Variants in WASF3 observed in about 807,000 individuals in gnomAD.
WASF3 encodes the protein actin-binding protein WASF3.
WASF3 carries 11 observed loss-of-function variants against 46.6 expected under a neutral mutation model. The observed-to-expected ratio is 0.24, with a 90% CI of 0.15 to 0.39. WASF3 has a LOEUF of 0.39. Among genes scored for constraint, WASF3 ranks in the 10% least tolerant of loss-of-function variants. The pLI is 1.00. For synonymous variants in WASF3, 242 were observed against 259.7 expected (o/e 0.93, Z 0.65); for missense variants, 576 against 669.8 (o/e 0.86, Z 1.55).
chr13:26,659,005 A>G (rs1037064431), intron 3 of WASF3, among the ~76,000 whole-genome samples: 8 of 152,258 alleles, frequency 5.3e-5, no homozygotes, highest in African/African-American at 1.9e-4. Context: ...TTTGTGGATC[A>G]TATGTTCTAG....
rs1198807142 is a variant in WASF3, at chr13:26,686,211, C to G, written c.*366C>G. The stretch of plus-strand genomic sequence containing the variant: ...TGTGAAGCTGCCTGGTGTTAGGTCT[C>G]TGCAAGACTAATGACTATGTCAGAG... On this transcript the variant is annotated 3_prime_UTR_variant, in exon 10 of 10. Coordinates refer to ENST00000335327, the MANE Select transcript of WASF3 (RefSeq NM_006646.6). 1 of 187,298 alleles carries G rather than the reference C, an allele frequency of 5.3e-6. No homozygotes were observed. The highest frequency in any genetic ancestry group is 2.3e-5 in the African/African-American group (1 of 43,286). 11.6% of individuals were successfully genotyped at this position (187,298 alleles called of 1,614,324 possible).
At chr13:26,614,986 G>C (rs1240785096) in intron 2 of WASF3, among the ~76,000 whole-genome samples, 1 of 151,934 alleles carries the variant, frequency 6.6e-6, no homozygotes, top group Non-Finnish European at 1.5e-5. Context: ...GATTAGCTTG[G>C]TGAGGCAGAT....
At chr13:26,619,506 C>A (rs771171657) in intron 2 of WASF3, 1 of 152,158 alleles carries the variant, frequency 6.6e-6, no homozygotes, top group Non-Finnish European at 1.5e-5. Flanking sequence ...GGATCACATC[C>A]TTGGCTGGGG....
chr13:26,629,029 G>A lies in WASF3; in HGVS notation c.-10-13232G>A, dbSNP rs184503925. Among the ~76,000 whole-genome samples, 107 of 152,226 alleles carry A rather than the reference G, an allele frequency of 7.0e-4. 2 individuals carry two copies. Among genetic ancestry groups the A allele is most frequent in the South Asian group, 2.1e-4 (1 of 4,830 alleles). On this transcript the variant is annotated intron_variant, in intron 2 of 9. Transcript: ENST00000335327. ...GCCCAGCGTTCATTGGGATGGACCC[G>A]CGTTGGGTGGTTTGATATGTGATGT...
intron 9 of WASF3, among the ~76,000 whole-genome samples, chr13:26,683,906 G>T (rs1427517538): frequency 6.6e-6 from 1 of 152,204 alleles, no homozygotes; most frequent in Non-Finnish European, 1.5e-5. Context: ...ACCCAGGTTG[G>T]TCGAGGGTCC....
chr13:26,603,302 G>A (rs560055456), intron 1 of WASF3, among the ~76,000 whole-genome samples: 2 of 152,278 alleles, frequency 1.3e-5, no homozygotes, highest in East Asian at 3.9e-4. Context: ...CAGAGAGCAA[G>A]GTGAGGCTGG....
At chr13:26,658,366 C>T (rs757927087) in intron 3 of WASF3, among the ~76,000 whole-genome samples, 4 of 152,260 alleles carry the variant, frequency 2.6e-5, no homozygotes, top group South Asian at 2.1e-4. Context: ...GCATTTGGAA[C>T]GTGGTGCTCA....
chr13:26,559,936 G>C (rs2137135344), intron 1 of WASF3, among the ~76,000 whole-genome samples: 1 of 148,222 alleles, frequency 6.7e-6, no homozygotes, highest in East Asian at 2.1e-4. Flanking sequence ...TCCTGCCTCA[G>C]ACTCCCGAGT....
At chr13:26,571,779 T>G (rs1387065741) in intron 1 of WASF3, among the ~76,000 whole-genome samples, 1 of 152,248 alleles carries the variant, frequency 6.6e-6, no homozygotes, top group African/African-American at 2.4e-5. Flanking sequence ...GTAATTTTTA[T>G]TGGAATTGCT....
At chr13:26,539,675 G>T in the WASF3 span, among the ~76,000 whole-genome samples, 2 of 151,988 alleles carry the variant, frequency 1.3e-5, no homozygotes, top group African/African-American at 2.4e-5. Context: ...TGTCCTTTAC[G>T]CTGCTTCTAG....
the WASF3 span, among the ~76,000 whole-genome samples, chr13:26,548,466 T>C: frequency 1.8e-3 from 273 of 152,314 alleles, no homozygotes; most frequent in Non-Finnish European, 3.4e-3. Flanking sequence ...ATTTGAGAAC[T>C]TTATAACTCA....
intron 7 of WASF3, 53 bp from the exon 8 acceptor site, chr13:26,681,001 G>A (rs1366598798): frequency 3.2e-6 from 5 of 1,559,338 alleles, no homozygotes; most frequent in East Asian, 2.3e-5. Flanking sequence ...CCTGTTAGCC[G>A]ACAATTTTTA....
At chr13:26,626,906 A>G (rs1881481016) in intron 2 of WASF3, among the ~76,000 whole-genome samples, 1 of 152,212 alleles carries the variant, frequency 6.6e-6, no homozygotes, top group Non-Finnish European at 1.5e-5. Context: ...TGACAAATAC[A>G]CAATTATTGT....
chr13:26,551,674 G>T, the WASF3 span, among the ~76,000 whole-genome samples: 5 of 152,118 alleles, frequency 3.3e-5, no homozygotes, highest in African/African-American at 1.2e-4. Flanking sequence ...TTTGAGCTGC[G>T]TTGTGAAAGT....
At chr13:26,605,002 G>C (rs1880750587) in intron 1 of WASF3, among the ~76,000 whole-genome samples, 1 of 152,096 alleles carries the variant, frequency 6.6e-6, no homozygotes, top group African/African-American at 2.4e-5. Flanking sequence ...GAGGCGCCAG[G>C]GTCCTTTGGT....
intron 1 of WASF3, among the ~76,000 whole-genome samples, chr13:26,563,205 C>T (rs964374360): frequency 7.2e-5 from 11 of 151,864 alleles, no homozygotes; most frequent in African/African-American, 2.4e-4. Flanking sequence ...AGATCCTATC[C>T]GCCTATCTTC....
intron 2 of WASF3, among the ~76,000 whole-genome samples, chr13:26,625,319 A>G (rs1881431770): frequency 6.6e-6 from 1 of 152,186 alleles, no homozygotes. Context: ...ATGGAGGCTG[A>G]GAAGTCCCAC....
rs565348233 is a variant in WASF3, at chr13:26,679,966, G to A, written c.717-1088G>A. On this transcript the variant is annotated intron_variant, in intron 7 of 9. Coordinates refer to ENST00000335327, the MANE Select transcript of WASF3 (RefSeq NM_006646.6). The surrounding 1 kb of genome is among the most constrained non-coding windows in gnomAD (Gnocchi z 4.8). ...AAAAGCTACCAACTGGAATCCCAAA[G>A]ATGGAAATGCAGCGTGCATCTTCCC... 4.3e-5 allele frequency: 66 copies of A among 1,536,078 alleles called. No homozygotes were observed. The African/African-American group carries it at 7.9e-4, about 18-fold the overall frequency.
chr13:26,578,460 G>A (rs1593376405), intron 1 of WASF3, among the ~76,000 whole-genome samples: 1 of 152,096 alleles, frequency 6.6e-6, no homozygotes, highest in East Asian at 1.9e-4. Flanking sequence ...TTGCAATATG[G>A]CCTACTTGTG....
Sources: gnomAD v4.1 joint callset for allele counts (sites outside exome capture counted in the v4.1 genomes callset) on GRCh38, gnomAD v4.1.1 for gene constraint, Gnocchi (gnomAD v3.1) non-coding constraint, MANE v1.5 for transcripts, NCBI Gene and HGNC (gene_info 2026-07-23, HGNC 2026-07-21) for gene names.